Variants in SYCE1 observed in about 807,000 individuals in gnomAD.
The protein encoded by SYCE1 is cancer/testis antigen 76.
SYCE1 carries 37 observed loss-of-function variants against 55.1 expected under a neutral mutation model. That is an observed-to-expected ratio of 0.67 (90% CI 0.52 to 0.88). The LOEUF is 0.88. SYCE1 is among the 40% of genes least tolerant of loss of function. The pLI is 0.00. For synonymous variants in SYCE1, 163 were observed against 159.4 expected (o/e 1.02, Z -0.17); for missense variants, 399 against 416.4 (o/e 0.96, Z 0.36).
At chr10:133,568,279 C>A (rs1237278081), upstream of SYCE1, 3 of 1,419,886 alleles carry the variant, frequency 2.1e-6, no homozygotes, top group Non-Finnish European at 2.9e-6. Context: ...CGCGGCCCTT[C>A]TCCAGCCTGA....
chr10:133,554,768 A>C (rs969545967), downstream of SYCE1: 5 of 1,442,672 alleles, frequency 3.5e-6, no homozygotes, highest in Non-Finnish European at 4.7e-6. Flanking sequence ...CCACTGTGAG[A>C]GCGTCTCGGG....
Position 133,565,571 on chromosome 10 carries a change from T to G in SYCE1, c.-42A>C, listed in dbSNP as rs1035812468. 1.6e-5 allele frequency: 24 copies of G among 1,540,438 alleles called. No homozygotes were observed. Among genetic ancestry groups the G allele is most frequent in the African/African-American group, 4.1e-5 (3 of 72,914 alleles). ...AGCGAGGGTGCCTCGGGAGGGAGCC[T>G]CCAGTGGTGATTGGAGCAACCGCCG... is the stretch of plus-strand genomic sequence containing the variant. On this transcript the variant is annotated 5_prime_UTR_variant, in exon 1 of 13. Coordinates refer to ENST00000343131, the MANE Select transcript of SYCE1 (RefSeq NM_001143764.3).
chr10:133,554,279 A>G (rs1352881700), downstream of SYCE1: 4 of 1,613,466 alleles, frequency 2.5e-6, no homozygotes, highest in African/African-American at 1.3e-5. Flanking sequence ...CTCTGCAGTG[A>G]GCCTCTCTCT....
At position 133,558,158 on chromosome 10, in the gene SYCE1, G is replaced by C. The variant is rs368519924; in HGVS notation, c.319+9C>G. The C allele has an allele frequency of 3.0e-5, 48 of 1,614,000 alleles. No individual in the cohort carries two copies. Among genetic ancestry groups the C allele is most frequent in the Non-Finnish European group, 4.0e-5 (47 of 1,180,004 alleles). On this transcript the variant is annotated intron_variant, in intron 5 of 12. Transcript: ENST00000343131. ...GGCACAAGCCTGGAGACAGGGGAGC[G>C]GCAAATACCTTGTTTTTTGCTCAAG...
At chr10:133,554,031 T>C (rs1464704288), downstream of SYCE1, 1 of 351,946 alleles carries the variant, frequency 2.8e-6, no homozygotes, top group Non-Finnish European at 5.1e-6. Flanking sequence ...CAATAAAAGC[T>C]AAAGTTCCTT....
chr10:133,565,709 C>T, upstream of SYCE1: 1 of 587,566 alleles, frequency 1.7e-6, no homozygotes. Context: ...TGCGTAAAGG[C>T]GCGAGGGCTA....
At chr10:133,562,713 AT>A (rs547123146) in intron 1 of SYCE1, among the ~76,000 whole-genome samples, 2 of 152,120 alleles carry the variant, frequency 1.3e-5, no homozygotes, top group East Asian at 1.9e-4. Context: ...ACTTAGAAAT[AT>A]TTTTTTAATG....
chr10:133,567,208 G>T (rs551819019), upstream of SYCE1, among the ~76,000 whole-genome samples: 5 of 151,858 alleles, frequency 3.3e-5, no homozygotes, highest in African/African-American at 1.2e-4. Context: ...TTAGGGGTTA[G>T]GGTTAGGGGT....
At chr10:133,565,697 C>T (rs1851917167), upstream of SYCE1, 2 of 644,944 alleles carry the variant, frequency 3.1e-6, no homozygotes, top group Non-Finnish European at 5.0e-6. Flanking sequence ...CACTAGTGCG[C>T]ATGCGTAAAG....
At chr10:133,567,765 T>G (rs767744873), upstream of SYCE1, 6 of 307,476 alleles carry the variant, frequency 2.0e-5, no homozygotes, top group South Asian at 1.6e-4. Context: ...TTTGGGCGGC[T>G]CTGGAGTGTG....
chr10:133,565,714 G>C (rs1851917816), upstream of SYCE1: 1 of 584,618 alleles, frequency 1.7e-6, no homozygotes. Flanking sequence ...AAAGGCGCGA[G>C]GGCTACAAAC....
At chr10:133,565,862 A>G (rs1207380194), upstream of SYCE1, among the ~76,000 whole-genome samples, 1 of 152,218 alleles carries the variant, frequency 6.6e-6, no homozygotes, top group Non-Finnish European at 1.5e-5. Flanking sequence ...AACGAGCAGT[A>G]CGCATGTGTA....
At position 133,558,029 on chromosome 10, in the gene SYCE1, A is replaced by G. The variant is rs554263591; in HGVS notation, c.320-111T>C. 5.9e-6 allele frequency: 9 copies of G among 1,525,762 alleles called. No homozygotes were observed. The African/African-American group carries it at 8.2e-5, about 14-fold the overall frequency. 94.5% of individuals were successfully genotyped at this position (1,525,762 alleles called of 1,614,324 possible). ...TGTGGACACCTGATTGAGCTTTAAC[A>G]TTTACTACATGTCTGGTGGAAGCCA... On this transcript the variant is annotated intron_variant, in intron 5 of 12. Coordinates refer to ENST00000343131, the MANE Select transcript of SYCE1 (RefSeq NM_001143764.3).
chr10:133,560,524 A>G (rs1349799356), intron 1 of SYCE1: 2 of 162,020 alleles, frequency 1.2e-5, no homozygotes, highest in East Asian at 1.8e-4. Flanking sequence ...AAGTTCTTAG[A>G]GAGTTTTCTA....
At chr10:133,567,905 C>A, upstream of SYCE1, 1 of 517,434 alleles carries the variant, frequency 1.9e-6, no homozygotes, top group Non-Finnish European at 3.7e-6. Flanking sequence ...GCGGCGTGGG[C>A]AGGCAGGTGG....
At position 133,556,349 on chromosome 10, in the gene SYCE1, T is replaced by C. The variant is rs929601581; in HGVS notation, c.529-302A>G. On this transcript the variant is annotated intron_variant, in intron 8 of 12. Coordinates refer to ENST00000343131, the MANE Select transcript of SYCE1 (RefSeq NM_001143764.3). The stretch of plus-strand genomic sequence containing the variant: ...TGTTTTCTGGAGGATCAGGTACCGG[T>C]TTAGCTCTGCAGCTCCTCCCCACTC... 1.1e-5 allele frequency: 6 copies of C among 544,918 alleles called. No homozygotes were observed. In the African/African-American group the frequency reaches 1.1e-4, roughly 10 times the overall value. 33.8% of individuals were successfully genotyped at this position (544,918 alleles called of 1,614,324 possible).
At chr10:133,566,955 T>G (rs1313301104), upstream of SYCE1, among the ~76,000 whole-genome samples, 1,885 of 149,926 alleles carry the variant, frequency 0.013, no homozygotes, top group African/African-American at 0.044. Context: ...GGTGTCAGGG[T>G]TTGGGGTGGG....
At chr10:133,558,392 C>A in intron 4 of SYCE1, 178 bp from the exon 5 acceptor site, 1 of 676,704 alleles carries the variant, frequency 1.5e-6, no homozygotes. Context: ...CACCAAAGGG[C>A]CTTCACATTT....
chr10:133,555,860 CA>C lies in SYCE1; in HGVS notation c.638del (p.Leu213ArgfsTer42). 1 of 1,614,086 alleles carries C rather than the reference CA, an allele frequency of 6.2e-7. No homozygotes were observed. ...KATLEDVKHQLCSLCGAEGPS... is the reference protein window; with the variant it reads ...KATLEDVKHQXCSLCGAEGPS... ...GGCCCTCAGCCCCACACAGGGAGCA[CA>C]GCTGATGCTTCACGTCTTCCAGTGT... On this transcript the variant is annotated frameshift_variant, in exon 10 of 13. Coordinates refer to ENST00000343131, the MANE Select transcript of SYCE1 (RefSeq NM_001143764.3). LOFTEE classifies it high-confidence loss of function.
Sources: allele counts gnomAD v4.1 joint callset (sites outside exome capture counted in the v4.1 genomes callset), GRCh38; gene constraint gnomAD v4.1.1; transcripts MANE v1.5; gene names NCBI Gene and HGNC (gene_info 2026-07-23, HGNC 2026-07-21).